The following GABRB3 variants were observed in gnomAD, a reference collection of about 807,000 sequenced individuals.
The protein encoded by GABRB3 is gamma-aminobutyric acid type A receptor subunit beta3, also known as gamma-aminobutyric acid receptor subunit beta-3.
GABRB3 carries 14 observed loss-of-function variants against 52.1 expected under a neutral mutation model. That is an observed-to-expected ratio of 0.27 (90% CI 0.18 to 0.42). The LOEUF (loss-of-function observed/expected upper bound fraction) is 0.42. Ranked by LOEUF, GABRB3 falls within the 10% of genes least tolerant of loss-of-function variation. GABRB3 has a pLI of 1.00. For missense variants in GABRB3, 307 were observed against 609.1 expected, an observed-to-expected ratio of 0.50 and a Z score of 5.22; for synonymous variants, 260 against 232.3, an observed-to-expected ratio of 1.12 and a Z score of -1.08.
chr15:26,574,839 C>T (rs554901428), intron 6 of GABRB3, among the ~76,000 whole-genome samples: 2 of 152,262 alleles, frequency 1.3e-5, no homozygotes, highest in Admixed American at 1.3e-4. Flanking sequence ...TGCAAATATA[C>T]TAAACACCAC....
chr15:26,562,554 C>A (rs1890030005), intron 7 of GABRB3, among the ~76,000 whole-genome samples: 1 of 152,208 alleles, frequency 6.6e-6, no homozygotes, highest in African/African-American at 2.4e-5. Context: ...GGGACGGAGC[C>A]CAGGCCATTC....
intron 3 of GABRB3, among the ~76,000 whole-genome samples, chr15:26,701,655 TCC>T (rs1468880478): frequency 7.9e-5 from 12 of 152,132 alleles, no homozygotes; most frequent in Non-Finnish European, 1.2e-4. Context: ...GTGTCAATTC[TCC>T]CCCAAGTTAA....
chr15:26,604,939 C>T (rs1566769303), intron 4 of GABRB3, among the ~76,000 whole-genome samples: 1 of 152,086 alleles, frequency 6.6e-6, no homozygotes, highest in Admixed American at 6.5e-5. Flanking sequence ...AGTTAAAAAG[C>T]TTCTGCACAG....
rs144021955 is a variant in GABRB3 at position 26,769,115 on chromosome 15, A to T, written c.240+3287T>A. ...TAAAGCAAAAAGCAACAACAGCATC[A>T]TTGTTGTGTATTATCTGTTACTGTT... On this transcript the variant is annotated intron_variant, in intron 3 of 8. Coordinates refer to ENST00000311550, the MANE Select transcript of GABRB3 (RefSeq NM_000814.6). Among the ~76,000 whole-genome samples, 303 of 152,338 alleles carry T rather than the reference A, an allele frequency of 2.0e-3. 1 individual carries two copies. The highest frequency in any genetic ancestry group is 6.4e-3 in the African/African-American group (266 of 41,586).
chr15:26,600,890 CAA>C, intron 4 of GABRB3, among the ~76,000 whole-genome samples: 1 of 152,136 alleles, frequency 6.6e-6, no homozygotes, highest in South Asian at 2.1e-4. Context: ...GGTTAAATAA[CAA>C]AACTATTAAC....
intron 3 of GABRB3, among the ~76,000 whole-genome samples, chr15:26,667,687 G>C (rs147828913): frequency 4.5e-4 from 69 of 152,304 alleles, no homozygotes; most frequent in South Asian, 2.3e-3. Context: ...TCCCAGAGTA[G>C]GATCTCCAGA....
intron 2 of GABRB3, 31 bp from the exon 3 acceptor site, chr15:26,772,500 C>T (rs764702427): frequency 6.2e-7 from 1 of 1,603,810 alleles, no homozygotes; most frequent in South Asian, 1.1e-5. Context: ...GGCGATCAGC[C>T]CAGCTCCGGC....
intron 3 of GABRB3, among the ~76,000 whole-genome samples, chr15:26,652,870 G>T (rs1186507656): frequency 6.6e-6 from 1 of 152,204 alleles, no homozygotes; most frequent in Non-Finnish European, 1.5e-5. Context: ...GAAAGGGAGA[G>T]TCTGACAGCC....
At chr15:26,747,248 T>C (rs929500650) in intron 3 of GABRB3, among the ~76,000 whole-genome samples, 1 of 152,218 alleles carries the variant, frequency 6.6e-6, no homozygotes, top group Non-Finnish European at 1.5e-5. Context: ...AGAGTATGTT[T>C]GTCTGTGTGT....
intron 3 of GABRB3, among the ~76,000 whole-genome samples, chr15:26,640,779 C>A (rs956736278): frequency 6.6e-6 from 1 of 152,230 alleles, no homozygotes; most frequent in Non-Finnish European, 1.5e-5. Context: ...GATGATTACA[C>A]AGCTTAGAGA....
chr15:26,688,091 G>C (rs1379604695), intron 3 of GABRB3, among the ~76,000 whole-genome samples: 1 of 152,134 alleles, frequency 6.6e-6, no homozygotes, highest in Admixed American at 6.5e-5. Flanking sequence ...GACAAGACTG[G>C]TCATTTGAGT....
rs762434164 is a variant in GABRB3 at position 26,547,876 on chromosome 15, C to T, written c.1339G>A (p.Ala447Thr). 6.2e-7 allele frequency: 1 copy of T among 1,614,162 alleles called. No individual in the cohort carries two copies. The highest frequency in any genetic ancestry group is 1.1e-5 in the South Asian group (1 of 91,082). The change falls in exon 9 of 9, where the codon GCC becomes ACC. Residue 447 changes from alanine (A) to threonine (T), a missense_variant. Coordinates refer to ENST00000311550, the MANE Select transcript of GABRB3 (RefSeq NM_000814.6). ...ACGATCCTGGACCATCTGTCTATGG[C>T]ATTCACATCGGTTAGATCAGGTATT... ...IKIPDLTDVN[A>T]IDRWSRIVFP...
Position 26,759,997 on chromosome 15 carries a change from G to A in GABRB3, c.240+12405C>T, listed in dbSNP as rs890540904. On this transcript the variant is annotated intron_variant, in intron 3 of 8. Transcript: ENST00000311550. ...ACTGATGCAACTATGTTTGAGACCTGAAAATTACTGAGCATGGATTCGGAT... is the reference window on the plus strand; with the variant it reads ...ACTGATGCAACTATGTTTGAGACCTAAAAATTACTGAGCATGGATTCGGAT... 1.3e-3 allele frequency among the ~76,000 whole-genome samples: 203 copies of A among 152,316 alleles called. 1 individual carries two copies. Among genetic ancestry groups the A allele is most frequent in the African/African-American group, 4.7e-3 (197 of 41,564 alleles).
intron 8 of GABRB3, among the ~76,000 whole-genome samples, chr15:26,555,865 G>A (rs1433699913): frequency 6.6e-6 from 1 of 152,114 alleles, no homozygotes; most frequent in Non-Finnish European, 1.5e-5. Flanking sequence ...TTTCATTTAA[G>A]CATGAACCAG....
intron 8 of GABRB3, chr15:26,557,800 A>T (rs1173923669): frequency 6.6e-6 from 1 of 152,200 alleles, no homozygotes; most frequent in Non-Finnish European, 1.5e-5. Context: ...AACAATAAAC[A>T]TGGATTCATG....
intron 3 of GABRB3, among the ~76,000 whole-genome samples, chr15:26,715,525 G>A (rs1051704137): frequency 1.1e-4 from 17 of 152,134 alleles, no homozygotes; most frequent in African/African-American, 3.9e-4. Flanking sequence ...CTTAAGTGCC[G>A]AGGCAGGAAC....
chr15:26,594,232 C>T lies in GABRB3; in HGVS notation c.462-10818G>A, dbSNP rs193185722. On this transcript the variant is annotated intron_variant, in intron 4 of 8. Transcript: ENST00000311550. ...AGATTTCTGCCAATTTATTTTGTTC[C>T]TTTGACTAAGCCATGTTTTCCTCTT... is the stretch of plus-strand genomic sequence containing the variant. Among the ~76,000 whole-genome samples, 329 of 151,342 alleles carry T rather than the reference C, an allele frequency of 2.2e-3. 3 individuals carry two copies. The highest frequency in any genetic ancestry group is 7.6e-3 in the African/African-American group (313 of 41,344).
At chr15:26,656,681 G>A (rs958555649) in intron 3 of GABRB3, among the ~76,000 whole-genome samples, 1 of 152,172 alleles carries the variant, frequency 6.6e-6, no homozygotes, top group Non-Finnish European at 1.5e-5. Flanking sequence ...GAGGGATCTA[G>A]GTTGCACACT....
At chr15:26,626,699 G>A (rs1266431791) in intron 3 of GABRB3, among the ~76,000 whole-genome samples, 1 of 152,208 alleles carries the variant, frequency 6.6e-6, no homozygotes, top group Non-Finnish European at 1.5e-5. Context: ...ATTCTGTGAA[G>A]GCTGAAAGAG....
Sources: allele counts gnomAD v4.1 joint callset (sites outside exome capture counted in the v4.1 genomes callset), GRCh38; gene constraint gnomAD v4.1.1; transcripts MANE v1.5; gene names NCBI Gene and HGNC (gene_info 2026-07-23, HGNC 2026-07-21).